GBF1: variants seen among roughly 807,000 people sequenced by gnomAD.
GBF1 encodes the protein golgi brefeldin A resistant guanine nucleotide exchange factor 1.
In GBF1, 114 loss-of-function variants were observed where a neutral mutation model predicts 210.5. The ratio of observed to expected loss-of-function variants is 0.54; its 90% confidence interval spans 0.47 to 0.63. The LOEUF (loss-of-function observed/expected upper bound fraction) is 0.63. Ranked by LOEUF, GBF1 falls within the 30% of genes least tolerant of loss-of-function variation. The probability of loss-of-function intolerance (pLI) is 0.00; values close to 1 mark genes in which losing one functional copy is unlikely to be tolerated. For synonymous variants in GBF1, 850 were observed against 889.2 expected, an observed-to-expected ratio of 0.96 and a Z score of 0.78; for missense variants, 1,851 against 2,357.7, an observed-to-expected ratio of 0.79 and a Z score of 4.45.
chr10:102,287,489 A>G (rs779586695), intron 3 of GBF1, among the ~76,000 whole-genome samples: 12 of 150,866 alleles, frequency 8.0e-5, no homozygotes, highest in Non-Finnish European at 1.5e-4. Flanking sequence ...CACCTGGTCT[A>G]TTTCACACAA....
chr10:102,325,646 T>C (rs2056837916), intron 3 of GBF1, among the ~76,000 whole-genome samples: 1 of 152,014 alleles, frequency 6.6e-6, no homozygotes, highest in Admixed American at 6.6e-5. Flanking sequence ...TACAAAAGTT[T>C]TTTTTGTTTT....
the GBF1 span, chr10:102,231,738 C>A: frequency 6.2e-7 from 1 of 1,609,918 alleles, no homozygotes; most frequent in East Asian, 2.2e-5. Flanking sequence ...TCTTTTTCAG[C>A]GAACCGTCCT....
At chr10:102,267,502 TCAACAA>T (rs10682113) in intron 3 of GBF1, among the ~76,000 whole-genome samples, 78 of 151,264 alleles carry the variant, frequency 5.2e-4, no homozygotes, top group African/African-American at 1.3e-3. Flanking sequence ...AGACTCCATC[TCAACAA>T]CAACAACAAC....
chr10:102,369,020 A>C (rs1252693454), intron 23 of GBF1, among the ~76,000 whole-genome samples, 188 bp downstream of exon 23: 1 of 152,156 alleles, frequency 6.6e-6, no homozygotes, highest in East Asian at 1.9e-4. Context: ...TACTTCATGT[A>C]ATGGGGATGG....
chr10:102,245,211 T>C (rs895038600), upstream of GBF1, among the ~76,000 whole-genome samples: 2 of 152,122 alleles, frequency 1.3e-5, no homozygotes, highest in Non-Finnish European at 2.9e-5. Context: ...TTTTTCCCCA[T>C]AATGCCCAGC....
At chr10:102,236,262 C>T in the GBF1 span, among the ~76,000 whole-genome samples, 1 of 152,136 alleles carries the variant, frequency 6.6e-6, no homozygotes, top group Non-Finnish European at 1.5e-5. Context: ...TCGCCTCACT[C>T]AGTGGATAGG....
chr10:102,322,416 A>G (rs1278052091), intron 3 of GBF1, among the ~76,000 whole-genome samples: 2 of 152,116 alleles, frequency 1.3e-5, no homozygotes, highest in South Asian at 2.1e-4. Flanking sequence ...TTCTTTCCCC[A>G]GTTTATGTCC....
In GBF1 at chr10:102,366,251, G is replaced by C; in HGVS notation, c.2310-132G>C. On this transcript the variant is annotated intron_variant, in intron 18 of 39. Transcript: ENST00000369983. The surrounding 1 kb of genome is among the most constrained non-coding windows in gnomAD (Gnocchi z 4.0). Reference sequence around the variant, plus strand: ...GGGGTTGTGTTAGGGATGAACAGGAGATACTGCCCCTTTACTAGAGACCTC... The same window carrying C: ...GGGGTTGTGTTAGGGATGAACAGGACATACTGCCCCTTTACTAGAGACCTC... 4 of 837,934 alleles carry C rather than the reference G, an allele frequency of 4.8e-6. No individual in the cohort carries two copies. The highest frequency in any genetic ancestry group is 5.8e-6 in the Non-Finnish European group (3 of 514,778). The allele number at this position is 837,934 out of a possible 1,614,324, so 51.9% of individuals were successfully genotyped here.
At chr10:102,286,194 G>GTTTTTTTTTTTTTTT (rs55904022) in intron 3 of GBF1, among the ~76,000 whole-genome samples, 21 of 126,336 alleles carry the variant, frequency 1.7e-4, no homozygotes, top group African/African-American at 7.0e-4. Flanking sequence ...AAGCATAAGG[G>GTTTTTTTTTTTTTTT]TTTTTTTTTT....
At position 102,351,891 on chromosome 10, in the gene GBF1, G is replaced by C; in HGVS notation, c.463G>C (p.Glu155Gln). Residue 155 changes from glutamate to glutamine, a missense_variant, in exon 6 of 40, where the codon GAA (glutamate) becomes CAA (glutamine). Glu to Gln is a conservative substitution (Grantham distance 29). Transcript: ENST00000369983. ...CCCAGTGGGTGCCCACCTAACCAAT[G>C]AATCTGTGTGTGAGATTATGCAGTC... Reference protein sequence around the residue: ...LTPVGAHLTNESVCEIMQSCF... With the variant: ...LTPVGAHLTNQSVCEIMQSCF... The C allele has an allele frequency of 6.2e-7, 1 of 1,612,596 alleles. No homozygotes were observed. Among genetic ancestry groups the C allele is most frequent in the Non-Finnish European group, 8.5e-7 (1 of 1,178,610 alleles).
chr10:102,368,882 CT>C (rs757120803), intron 23 of GBF1, 50 bp downstream of exon 23: 3 of 1,268,402 alleles, frequency 2.4e-6, no homozygotes, highest in Non-Finnish European at 2.3e-6. Context: ...GAGGACCTCT[CT>C]TTTAGCCATG....
In GBF1 at chr10:102,369,967, G is replaced by A; in HGVS notation, c.3322G>A (p.Ala1108Thr). 1 of 1,614,058 alleles carries A rather than the reference G, an allele frequency of 6.2e-7. No homozygotes were observed. The highest frequency in any genetic ancestry group is 8.5e-7 in the Non-Finnish European group (1 of 1,179,944). Reference protein sequence around the residue: ...STENQEAKRVALECIKQCDPE... With the variant: ...STENQEAKRVTLECIKQCDPE... ...TGAAAACCAAGAGGCCAAGAGAGTG[G>A]CCTTAGAGTGTATAAAGGTAACTGC... Residue 1108 changes from alanine to threonine, a missense_variant, in exon 26 of 40, where the codon GCC (alanine) becomes ACC (threonine). By Grantham distance (58) the Ala-to-Thr change is moderately conservative (BLOSUM62 0). Transcript: ENST00000369983.
Position 102,359,322 on chromosome 10 carries a change from A to C in GBF1, c.1067A>C (p.Glu356Ala), listed in dbSNP as rs1296006988. The C allele has an allele frequency of 6.2e-7, 1 of 1,611,798 alleles. No individual in the cohort carries two copies. Among genetic ancestry groups the C allele is most frequent in the Admixed American group, 1.7e-5 (1 of 60,006 alleles). The change falls in exon 11 of 40, where the codon GAA (glutamate) becomes GCA (alanine). Residue 356 changes from glutamate to alanine, a missense_variant. This residue lies in a region of GBF1 where 804 missense variants were observed against 958.6 expected (regional missense o/e 0.84). Transcript: ENST00000369983. ...SQSASVESIP[E>A]VLEECTSPAD... ...TCAGCATCTGTGGAGTCCATCCCTG[A>C]AGTGTTAGAGGAGTGCACGTCCCCT... is the stretch of plus-strand genomic sequence containing the variant.
At chr10:102,262,338 C>T (rs2073342550) in intron 3 of GBF1, among the ~76,000 whole-genome samples, 1 of 151,870 alleles carries the variant, frequency 6.6e-6, no homozygotes, top group Non-Finnish European at 1.5e-5. Flanking sequence ...GCTACTTGCA[C>T]AGATTTTTTT....
intron 33 of GBF1, 26 bp downstream of exon 33, chr10:102,377,166 C>T: frequency 6.4e-7 from 1 of 1,573,726 alleles, no homozygotes; most frequent in Non-Finnish European, 8.7e-7. Context: ...TTTACTTCCT[C>T]TCCTCCCCTG....
chr10:102,254,396 C>T (rs1218075245), intron 1 of GBF1, among the ~76,000 whole-genome samples: 2 of 152,136 alleles, frequency 1.3e-5, no homozygotes, highest in African/African-American at 4.8e-5. Context: ...AAAATATTCT[C>T]ATATATTAGC....
chr10:102,241,536 T>A (rs1193779760), upstream of GBF1: 2 of 152,478 alleles, frequency 1.3e-5, no homozygotes, highest in East Asian at 3.9e-4. The surrounding 1 kb of genome is among the most constrained non-coding windows in gnomAD (Gnocchi z 6.7). Flanking sequence ...GCCCATTCAC[T>A]TTATGGCAGA....
chr10:102,230,788 G>C, the GBF1 span: 1 of 1,546,292 alleles, frequency 6.5e-7, no homozygotes, highest in Non-Finnish European at 8.7e-7. Context: ...CAGGGCCCCA[G>C]GCCCTGGCAC....
chr10:102,341,448 C>A (rs896141994), intron 3 of GBF1, among the ~76,000 whole-genome samples: 3 of 152,190 alleles, frequency 2.0e-5, no homozygotes, highest in Admixed American at 6.5e-5. Flanking sequence ...TGGGTACTTA[C>A]CCTAAAGAAG....
Sources: allele counts gnomAD v4.1 joint callset (sites outside exome capture counted in the v4.1 genomes callset), GRCh38; gene constraint gnomAD v4.1.1; regional missense constraint gnomAD v4.1.1; non-coding constraint Gnocchi (gnomAD v3.1); transcripts MANE v1.5; gene names NCBI Gene and HGNC (gene_info 2026-07-23, HGNC 2026-07-21).